GABRR1: variants seen among roughly 807,000 people sequenced by gnomAD.
The protein encoded by GABRR1 is gamma-aminobutyric acid type A receptor subunit rho1.
In GABRR1, 59 loss-of-function variants were observed where a neutral mutation model predicts 55.5. That is an observed-to-expected ratio of 1.06 (90% confidence interval 0.86 to 1.32). The LOEUF is 1.32. Ranked by LOEUF, GABRR1 falls within the 40% of genes most tolerant of loss-of-function variation. The pLI is 0.00. For missense variants in GABRR1, 602 were observed against 619.1 expected (o/e 0.97, Z 0.29); for synonymous variants, 213 against 226.0 (o/e 0.94, Z 0.51).
chr6:89,185,424 G>C lies in GABRR1; in HGVS notation c.682C>G (p.Leu228Val), dbSNP rs1284143162. 2.5e-6 allele frequency: 4 copies of C among 1,613,444 alleles called. No individual in the cohort carries two copies. The highest frequency in any genetic ancestry group is 3.4e-6 in the Non-Finnish European group (4 of 1,179,568). Reference sequence around the variant, plus strand: ...GAGTCATTGCCCTTTTTCCAGTACAGCATGAGGTCATCTTCTGTATAGGCA... The same window carrying C: ...GAGTCATTGCCCTTTTTCCAGTACACCATGAGGTCATCTTCTGTATAGGCA... The part of the protein sequence containing the change: ...SYAYTEDDLM[L>V]YWKKGNDSLK... The change falls in exon 7 of 10, where the codon CTG (leucine) becomes GTG (valine). Residue 228 changes from leucine to valine, a missense_variant. Physicochemically the swap from Leu to Val is conservative, Grantham distance 32. Transcript: ENST00000454853.
chr6:89,189,030 A>T (rs1229120011), intron 6 of GABRR1, among the ~76,000 whole-genome samples: 6 of 148,856 alleles, frequency 4.0e-5, no homozygotes, highest in Non-Finnish European at 7.4e-5. Context: ...AGCTCTCTGG[A>T]TGAACTCATG....
chr6:89,183,607 T>C (rs2127790115), intron 7 of GABRR1, among the ~76,000 whole-genome samples: 1 of 151,860 alleles, frequency 6.6e-6, no homozygotes, highest in South Asian at 2.1e-4. Context: ...GAAATCAACC[T>C]AAGTGCCCAT....
At chr6:89,184,641 G>GT (rs1279542539) in intron 7 of GABRR1, among the ~76,000 whole-genome samples, 1 of 152,148 alleles carries the variant, frequency 6.6e-6, no homozygotes, top group Non-Finnish European at 1.5e-5. Context: ...GACCTGAATT[G>GT]TATTTGTTTC....
intron 5 of GABRR1, among the ~76,000 whole-genome samples, chr6:89,194,307 C>T (rs999212163): frequency 2.0e-5 from 3 of 152,136 alleles, no homozygotes; most frequent in Non-Finnish European, 4.4e-5. Context: ...TCGGGACTGG[C>T]GGTGCAGAGA....
At chr6:89,221,785 C>T (rs1221262957), upstream of GABRR1, among the ~76,000 whole-genome samples, 2 of 152,018 alleles carry the variant, frequency 1.3e-5, no homozygotes, top group Non-Finnish European at 2.9e-5. Flanking sequence ...AATAAAAAGG[C>T]AAAGGAAAGG....
At chr6:89,186,042 C>A (rs1395349918) in intron 6 of GABRR1, among the ~76,000 whole-genome samples, 4 of 152,210 alleles carry the variant, frequency 2.6e-5, no homozygotes, top group African/African-American at 4.8e-5. Context: ...GCTACCATTT[C>A]CCCTTCCCTC....
At chr6:89,192,547 CTCT>C (rs559452823) in intron 5 of GABRR1, among the ~76,000 whole-genome samples, 2,911 of 150,074 alleles carry the variant, frequency 0.019, 76 homozygotes, top group African/African-American at 0.06. Flanking sequence ...CCTCTTCTTC[CTCT>C]TCTTCTTCTT....
chr6:89,200,134 A>G (rs1049399369), intron 3 of GABRR1, among the ~76,000 whole-genome samples: 2 of 152,022 alleles, frequency 1.3e-5, no homozygotes, highest in Non-Finnish European at 2.9e-5. Context: ...TGGATTCAAC[A>G]ATGGTGGATT....
intron 1 of GABRR1, among the ~76,000 whole-genome samples, chr6:89,211,608 C>T (rs1487942195): frequency 7.2e-5 from 11 of 152,046 alleles, no homozygotes; most frequent in Non-Finnish European, 1.6e-4. Context: ...ATTGACCACT[C>T]CCTCCTTCTT....
At chr6:89,186,262 T>A (rs951837371) in intron 6 of GABRR1, among the ~76,000 whole-genome samples, 2 of 152,244 alleles carry the variant, frequency 1.3e-5, no homozygotes, top group African/African-American at 4.8e-5. Context: ...GGTACCCAAT[T>A]ATACAATCAA....
At chr6:89,188,812 T>TGTCATAGC (rs1771994319) in intron 6 of GABRR1, among the ~76,000 whole-genome samples, 2 of 152,140 alleles carry the variant, frequency 1.3e-5, no homozygotes, top group Admixed American at 6.6e-5. Flanking sequence ...GCACCTGTGG[T>TGTCATAGC]GTCATAGCGC....
intron 7 of GABRR1, among the ~76,000 whole-genome samples, chr6:89,184,808 C>CA (rs955885118): frequency 1.9e-4 from 28 of 151,098 alleles, no homozygotes; most frequent in Admixed American, 7.2e-4. Context: ...TTGGTAATAT[C>CA]AAAAAAATCA....
At chr6:89,183,303 C>T (rs1771788760) in intron 7 of GABRR1, among the ~76,000 whole-genome samples, 2 of 152,276 alleles carry the variant, frequency 1.3e-5, no homozygotes, top group East Asian at 3.9e-4. Context: ...TACCAGCAAG[C>T]TACTGCAGAG....
At chr6:89,201,059 G>T in intron 3 of GABRR1, 100 bp downstream of exon 3, 1 of 830,956 alleles carries the variant, frequency 1.2e-6, no homozygotes, top group Non-Finnish European at 2.0e-6. Flanking sequence ...AGGCAGACCG[G>T]GTCAGCGGAG....
chr6:89,225,188 G>A lies in GABRR1; in HGVS notation c.-410-3742C>T, dbSNP rs183709792. On this transcript the variant is annotated intron_variant, in intron 1 of 11. Coordinates refer to the GABRR1 transcript ENST00000369451. The stretch of plus-strand genomic sequence containing the variant: ...TGAGAATCCAGTTTCATTCTCTTGC[G>A]TGTGGCTTGCCAATTATCCCAGCAC... Among the ~76,000 whole-genome samples the A allele has an allele frequency of 1.5e-3, 234 of 151,568 alleles. 1 individual carries two copies. Among genetic ancestry groups the A allele is most frequent in the Non-Finnish European group, 2.5e-3 (173 of 67,940 alleles).
At chr6:89,187,180 G>C (rs1453627652) in intron 6 of GABRR1, among the ~76,000 whole-genome samples, 1 of 151,908 alleles carries the variant, frequency 6.6e-6, no homozygotes, top group Non-Finnish European at 1.5e-5. Context: ...GCCTCAGCCT[G>C]GCTCTTTCTG....
At chr6:89,196,867 G>GAA (rs770657677) in intron 5 of GABRR1, among the ~76,000 whole-genome samples, 1 of 127,010 alleles carries the variant, frequency 7.9e-6, no homozygotes, top group South Asian at 2.5e-4. Context: ...AAGAAAGAAA[G>GAA]AAAGAAAGAA....
At chr6:89,209,903 T>C (rs1772771350) in intron 1 of GABRR1, among the ~76,000 whole-genome samples, 4 of 152,204 alleles carry the variant, frequency 2.6e-5, no homozygotes, top group Admixed American at 2.6e-4. Context: ...AAGAAAATGT[T>C]AATTTGAACC....
intron 5 of GABRR1, among the ~76,000 whole-genome samples, chr6:89,194,341 G>A (rs533915393): frequency 2.0e-4 from 30 of 152,288 alleles, no homozygotes; most frequent in South Asian, 1.7e-3. Flanking sequence ...GGAGCGAGGC[G>A]AACCTGGGTT....
Sources: allele counts gnomAD v4.1 joint callset (sites outside exome capture counted in the v4.1 genomes callset), GRCh38; gene constraint gnomAD v4.1.1; transcripts MANE v1.5; gene names NCBI Gene and HGNC (gene_info 2026-07-23, HGNC 2026-07-21).